Variants in NHLRC2 observed in about 807,000 individuals in gnomAD.
NHLRC2 encodes NHL repeat containing 2, also known as NHL repeat-containing protein 2.
Under a neutral mutation model 68.1 loss-of-function variants are expected in NHLRC2, and 33 were observed. The observed-to-expected ratio is 0.48, with a 90% confidence interval of 0.37 to 0.65. The LOEUF is 0.65. NHLRC2 is among the 30% of genes least tolerant of loss of function. NHLRC2 has a pLI of 0.00. For synonymous variants in NHLRC2, 311 were observed against 309.6 expected (o/e 1.00, Z -0.05); for missense variants, 761 against 853.8 (o/e 0.89, Z 1.35).
At chr10:113,891,870 G>C (rs1287777906) in intron 5 of NHLRC2, among the ~76,000 whole-genome samples, 1 of 152,186 alleles carries the variant, frequency 6.6e-6, no homozygotes, top group Admixed American at 6.5e-5. Flanking sequence ...CATTGTTGCT[G>C]TTCCTCTCTC....
intron 2 of NHLRC2, among the ~76,000 whole-genome samples, chr10:113,860,914 C>T (rs564673217): frequency 2.0e-5 from 3 of 152,158 alleles, no homozygotes; most frequent in South Asian, 2.1e-4. Flanking sequence ...TATGATGATT[C>T]GACTTAAAAT....
chr10:113,854,889 G>A lies in NHLRC2; in HGVS notation c.17G>A (p.Gly6Asp), dbSNP rs756077757. 4.5e-6 allele frequency: 7 copies of A among 1,546,376 alleles called. No individual in the cohort carries two copies. The African/African-American group carries it at 6.9e-5, about 15-fold the overall frequency. Residue 6 changes from glycine (G) to aspartate (D), a missense_variant, in exon 1 of 11, where the codon GGC (glycine) becomes GAC (aspartate). Gly to Asp is a moderately conservative substitution (Grantham distance 94). Coordinates refer to ENST00000369301, the MANE Select transcript of NHLRC2 (RefSeq NM_198514.4). ...GGCGGAAACATGGCGGCGCCCGGAG[G>A]CCGGGGCCGCAGCCTCTCCGGCCTG... Reference protein sequence around the residue: MAAPGGRGRSLSGLLP... With the variant: MAAPGDRGRSLSGLLP...
At chr10:113,900,043 G>A (rs1336250137) in intron 6 of NHLRC2, among the ~76,000 whole-genome samples, 2 of 152,212 alleles carry the variant, frequency 1.3e-5, no homozygotes, top group African/African-American at 2.4e-5. Context: ...AAGAGTATAG[G>A]AGTTAGGGAG....
At position 113,888,381 on chromosome 10, in the gene NHLRC2, A is replaced by G. The variant is rs1050446283; in HGVS notation, c.1039+4001A>G. ...TTATTTAGCTTGATTGAATCTTTCT[A>G]CAGTATACACATAGATCAAAACATG... On this transcript the variant is annotated intron_variant, in intron 5 of 10. Coordinates refer to ENST00000369301, the MANE Select transcript of NHLRC2 (RefSeq NM_198514.4). Among the ~76,000 whole-genome samples, 4 of 152,198 alleles carry G rather than the reference A, an allele frequency of 2.6e-5. No individual in the cohort carries two copies. The East Asian group carries it at 7.7e-4, about 29-fold the overall frequency.
rs370457817 is a variant in NHLRC2, at chr10:113,855,634, G to GTTGTTTTGTT, written c.178+611_178+620dup. Among the ~76,000 whole-genome samples the GTTGTTTTGTT allele has an allele frequency of 6.5e-3, 986 of 151,216 alleles. 13 individuals carry two copies. The highest frequency in any genetic ancestry group is 0.022 in the African/African-American group (910 of 40,784). ...AGGCCCGCGCCACCACGCCTGGCTAGTTGTTTTGTTTTGTTTTGTTTTGTT... is the reference window on the plus strand; with the variant it reads ...AGGCCCGCGCCACCACGCCTGGCTAGTTGTTTTGTTTTGTTTTGTTTTGTTTTGTTTTGTT... On this transcript the variant is annotated intron_variant, in intron 1 of 10. Transcript: ENST00000369301.
At position 113,884,348 on chromosome 10, in the gene NHLRC2, G is replaced by T; in HGVS notation, c.1007G>T (p.Ser336Ile). The T allele has an allele frequency of 6.2e-7, 1 of 1,610,336 alleles. No homozygotes were observed. Among genetic ancestry groups the T allele is most frequent in the South Asian group, 1.1e-5 (1 of 90,862 alleles). ...GCAAAAGGAGAACAACAACCCATTA[G>T]TTCCCCTTGGGATGTAGTTTTTGGA... The part of the protein sequence containing the change: ...GGAKGEQQPI[S>I]SPWDVVFGTS... The change falls in exon 5 of 11, where the codon AGT (serine) becomes ATT (isoleucine). Residue 336 changes from serine to isoleucine, a missense_variant. Physicochemically the swap from Ser to Ile is moderately radical, Grantham distance 142. Coordinates refer to ENST00000369301, the MANE Select transcript of NHLRC2 (RefSeq NM_198514.4).
chr10:113,899,680 G>A lies in NHLRC2; in HGVS notation c.1139+1471G>A, dbSNP rs532070735. Among the ~76,000 whole-genome samples the A allele has an allele frequency of 2.4e-4, 37 of 152,260 alleles. No homozygotes were observed. In the South Asian group the frequency reaches 7.2e-3, roughly 30 times the overall value. ...CACGCCTGTAATCCCAGCACTTTGG[G>A]GGGCCGAGGCAGGCAGATCACAAGG... On this transcript the variant is annotated intron_variant, in intron 6 of 10. Coordinates refer to ENST00000369301, the MANE Select transcript of NHLRC2 (RefSeq NM_198514.4).
At position 113,879,381 on chromosome 10, in the gene NHLRC2, G is replaced by A. The variant is rs186986580; in HGVS notation, c.788-193G>A. On this transcript the variant is annotated intron_variant, in intron 3 of 10. Transcript: ENST00000369301. ...TATACTACTATGCTTAAGTGCACTA[G>A]TAATTGTACTATGAGCCCTGTCATT... Among the ~76,000 whole-genome samples, 77 of 152,220 alleles carry A rather than the reference G, an allele frequency of 5.1e-4. 1 individual carries two copies. Among genetic ancestry groups the A allele is most frequent in the African/African-American group, 1.8e-3 (74 of 41,530 alleles).
chr10:113,861,782 C>T (rs1845818460), intron 2 of NHLRC2, among the ~76,000 whole-genome samples: 1 of 152,122 alleles, frequency 6.6e-6, no homozygotes, highest in Admixed American at 6.5e-5. Context: ...TGGTATTTAA[C>T]TCCACTTTTT....
chr10:113,871,910 A>C (rs1229038068), intron 2 of NHLRC2, among the ~76,000 whole-genome samples: 1 of 152,240 alleles, frequency 6.6e-6, no homozygotes, highest in African/African-American at 2.4e-5. Flanking sequence ...ATTCCCATAA[A>C]GGTTCTATTG....
intron 4 of NHLRC2, among the ~76,000 whole-genome samples, chr10:113,882,494 A>G (rs1846044022): frequency 6.6e-6 from 1 of 151,732 alleles, no homozygotes; most frequent in Non-Finnish European, 1.5e-5. Flanking sequence ...GGCCATTTTT[A>G]TATCTTTGAG....
chr10:113,878,860 T>C (rs960124119), intron 3 of NHLRC2, among the ~76,000 whole-genome samples: 1 of 152,170 alleles, frequency 6.6e-6, no homozygotes, highest in African/African-American at 2.4e-5. Context: ...TCTGTTACAC[T>C]ACCTTTTTAT....
At position 113,913,636 on chromosome 10, in the gene NHLRC2, G is replaced by C. The variant is rs1846349349; in HGVS notation, c.*5100G>C. 6.6e-6 allele frequency: 1 copy of C among 152,042 alleles called. No homozygotes were observed. The highest frequency in any genetic ancestry group is 1.5e-5 in the Non-Finnish European group (1 of 68,022). The allele number at this position is 152,042 out of a possible 1,614,324, so 9.4% of individuals were successfully genotyped here. On this transcript the variant is annotated 3_prime_UTR_variant, in exon 11 of 11. Transcript: ENST00000369301. ...ACAGGACTATCTCAAACCCTAAGAA[G>C]CTATTCATATTTAAGAAAATTTTGT...
chr10:113,888,476 G>A (rs1846102577), intron 5 of NHLRC2, among the ~76,000 whole-genome samples: 2 of 152,232 alleles, frequency 1.3e-5, no homozygotes, highest in Middle Eastern at 3.4e-3. Flanking sequence ...GTAGGAAAGG[G>A]ACTAGAAATA....
Position 113,854,706 on chromosome 10 carries a change from A to C in NHLRC2, c.-167A>C. On this transcript the variant is annotated 5_prime_UTR_variant, in exon 1 of 11. Coordinates refer to ENST00000369301, the MANE Select transcript of NHLRC2 (RefSeq NM_198514.4). The stretch of plus-strand genomic sequence containing the variant: ...AACTGCGCCGATTTGGACTTTTGGC[A>C]CTTGGACCTATGCTTTAAAAAGAAA... The C allele has an allele frequency of 1.7e-6, 1 of 594,002 alleles. No individual in the cohort carries two copies. Among genetic ancestry groups the C allele is most frequent in the East Asian group, 2.9e-5 (1 of 33,956 alleles). The allele number at this position is 594,002 out of a possible 1,614,324, so 36.8% of individuals were successfully genotyped here. A position where few individuals can be genotyped will look rare whatever the true frequency, so the allele number is the denominator to read the frequency against.
At chr10:113,905,369 A>C (rs975975917) in intron 10 of NHLRC2, among the ~76,000 whole-genome samples, 1 of 152,188 alleles carries the variant, frequency 6.6e-6, no homozygotes, top group African/African-American at 2.4e-5. Context: ...AGAGTTAAAA[A>C]GTCTGAAATA....
intron 5 of NHLRC2, among the ~76,000 whole-genome samples, 155 bp downstream of exon 5, chr10:113,884,535 A>T (rs755095968): frequency 4.6e-5 from 7 of 151,526 alleles, no homozygotes; most frequent in Non-Finnish European, 7.4e-5. Flanking sequence ...GTAAAAACAA[A>T]GCTAGCAGTA....
intron 5 of NHLRC2, among the ~76,000 whole-genome samples, chr10:113,896,617 GTAAC>G (rs1202772739): frequency 6.6e-6 from 1 of 151,934 alleles, no homozygotes; most frequent in African/African-American, 2.4e-5. Flanking sequence ...GTATACAAAT[GTAAC>G]TAACCTGCAC....
Position 113,914,613 on chromosome 10 carries a change from A to G in NHLRC2, c.*6077A>G, listed in dbSNP as rs1487408121. The G allele has an allele frequency of 1.4e-5, 3 of 218,196 alleles. No homozygotes were observed. Among genetic ancestry groups the G allele is most frequent in the Non-Finnish European group, 2.8e-5 (3 of 108,638 alleles). 13.5% of individuals were successfully genotyped at this position (218,196 alleles called of 1,614,324 possible). A position where few individuals can be genotyped will look rare whatever the true frequency, so the allele number is the denominator to read the frequency against. On this transcript the variant is annotated 3_prime_UTR_variant, in exon 11 of 11. Transcript: ENST00000369301. ...GTATGGTGCAGTAAGGAATTTTGTT[A>G]ATTTTGTTATAAACTCCCTCTCCTG... is the stretch of plus-strand genomic sequence containing the variant.
Sources: allele counts gnomAD v4.1 joint callset (sites outside exome capture counted in the v4.1 genomes callset), GRCh38; gene constraint gnomAD v4.1.1; transcripts MANE v1.5; gene names NCBI Gene and HGNC (gene_info 2026-07-23, HGNC 2026-07-21).